The following AGBL2 variants were observed in gnomAD, a reference collection of about 807,000 sequenced individuals.
AGBL2 encodes AGBL carboxypeptidase 2, also known as cytosolic carboxypeptidase 2.
AGBL2 carries 87 observed loss-of-function variants against 103.0 expected under a neutral mutation model. The ratio of observed to expected loss-of-function variants is 0.84; its 90% CI spans 0.71 to 1.01. The LOEUF (loss-of-function observed/expected upper bound fraction) is 1.01, where lower values mean the gene tolerates loss of function less well. AGBL2 is among the 50% of genes least tolerant of loss of function. The pLI is 0.00. For missense variants in AGBL2, 904 were observed against 1,023.5 expected (o/e 0.88, Z 1.59); for synonymous variants, 335 against 356.7 (o/e 0.94, Z 0.69).
intron 13 of AGBL2, among the ~76,000 whole-genome samples, chr11:47,679,498 A>T (rs888931186): frequency 1.3e-5 from 2 of 152,102 alleles, no homozygotes; most frequent in African/African-American, 4.8e-5. Flanking sequence ...AGGTCTTACC[A>T]TTTGTAGACA....
intron 1 of AGBL2, 132 bp downstream of exon 1, chr11:47,715,043 G>A: frequency 4.7e-6 from 1 of 212,228 alleles, no homozygotes; most frequent in South Asian, 6.8e-5. Context: ...GGTAGGTGCC[G>A]ATGGAAAAAG....
intron 8 of AGBL2, among the ~76,000 whole-genome samples, chr11:47,694,410 G>A (rs543722902): frequency 1.3e-5 from 2 of 152,040 alleles, no homozygotes; most frequent in East Asian, 1.9e-4. Flanking sequence ...TCTGAATGTG[G>A]GTCCAGCCCT....
Position 47,686,054 on chromosome 11 carries a change from T to TGTTTGCCTCTTCAA in AGBL2, c.1632-6_1632-5insTTGAAGAGGCAAAC, listed in dbSNP as rs751305498. ...ACCTCTCTTTCTTCAAGAAGTCTAT[T>TGTTTGCCTCTTCAA]GAGGGGGCAAACAAAGGACTCAGTG... is the stretch of plus-strand genomic sequence containing the variant. On this transcript the variant is annotated splice_polypyrimidine_tract_variant and splice_region_variant and intron_variant, in intron 10 of 18. Transcript: ENST00000525123. 3.1e-6 allele frequency: 5 copies of TGTTTGCCTCTTCAA among 1,613,482 alleles called. No individual in the cohort carries two copies. In the East Asian group the frequency reaches 1.1e-4, roughly 36 times the overall value.
At chr11:47,668,171 T>C (rs1392320729) in intron 15 of AGBL2, among the ~76,000 whole-genome samples, 2 of 131,080 alleles carry the variant, frequency 1.5e-5, no homozygotes, top group Non-Finnish European at 3.1e-5. Context: ...ATCACGCCCC[T>C]GAACTCCAGC....
At position 47,706,890 on chromosome 11, in the gene AGBL2, CCA is replaced by C. The variant is rs1491103570; in HGVS notation, c.233-975_233-974del. ...ATGGTGAAACCCTGTCTCTACTATT[CCA>C]AAAAAAAAAAAAAAAAAAAAAGAAT... On this transcript the variant is annotated intron_variant, in intron 4 of 18. Transcript: ENST00000525123. Among the ~76,000 whole-genome samples, 173 of 53,222 alleles carry C rather than the reference CCA, an allele frequency of 3.3e-3. 30 individuals are homozygous for C. In the Middle Eastern group the frequency reaches 0.038, roughly 12 times the overall value. The allele number at this position is 53,222 out of a possible 152,430, so 34.9% of individuals were successfully genotyped here.
intron 3 of AGBL2, among the ~76,000 whole-genome samples, chr11:47,711,531 T>A (rs183848170): frequency 8.9e-4 from 135 of 152,218 alleles, no homozygotes; most frequent in African/African-American, 3.1e-3. Context: ...ACACAACCCC[T>A]CCCTGAATGT....
rs1460920581 is a variant in AGBL2 at position 47,659,714 on chromosome 11, G to A, written c.*459C>T. On this transcript the variant is annotated 3_prime_UTR_variant, in exon 19 of 19. Transcript: ENST00000525123. ...TATTTCTATGTGGGAATACCTCATT[G>A]TGAGCAAACCTGACATACAGCAGTA... 1 of 152,940 alleles carries A rather than the reference G, an allele frequency of 6.5e-6. No individual in the cohort carries two copies. The highest frequency in any genetic ancestry group is 1.5e-5 in the Non-Finnish European group (1 of 68,684). 9.5% of individuals were successfully genotyped at this position (152,940 alleles called of 1,614,324 possible). A position where few individuals can be genotyped will look rare whatever the true frequency, so the allele number is the denominator to read the frequency against.
At chr11:47,674,817 C>A (rs1045806937) in intron 14 of AGBL2, among the ~76,000 whole-genome samples, 6 of 151,886 alleles carry the variant, frequency 4.0e-5, no homozygotes, top group African/African-American at 1.5e-4. Flanking sequence ...CTCACTGCAA[C>A]CTCCGTCTCC....
intron 11 of AGBL2, among the ~76,000 whole-genome samples, chr11:47,684,476 A>C (rs757546524): frequency 2.6e-5 from 4 of 151,678 alleles, no homozygotes; most frequent in African/African-American, 7.3e-5. Flanking sequence ...GAATTGCTTG[A>C]ACCTGGGAGA....
In AGBL2 at chr11:47,690,860, T is replaced by C. The variant is rs866559532; in HGVS notation, c.849-2A>G. On this transcript the variant is annotated splice_acceptor_variant, in intron 9 of 18. Transcript: ENST00000525123. LOFTEE classifies it high-confidence loss of function. ...GTGAGTTCATACTCATAGGTGTCTC[T>C]GTAATGGAGAAAATAGAACAACTCT... The C allele has an allele frequency of 2.5e-6, 4 of 1,602,308 alleles. No homozygotes were observed. The African/African-American group carries it at 4.0e-5, about 16-fold the overall frequency.
chr11:47,690,086 T>C lies in AGBL2; in HGVS notation c.1621A>G (p.Met541Val), dbSNP rs769379271. The change falls in exon 10 of 19, where the codon ATG becomes GTG. Residue 541 changes from methionine to valine, a missense_variant. Coordinates refer to ENST00000525123, the MANE Select transcript of AGBL2 (RefSeq NM_024783.4). ...SFPCIWYTRN[M>V]IKRLLEEREV... is the part of the protein sequence containing the mutation. Reference sequence around the variant, plus strand: ...GATAAAAAGTCTCACCTTTTGATCATGTTCCTGGTGTACCAAATACAAGGG... The same window carrying C: ...GATAAAAAGTCTCACCTTTTGATCACGTTCCTGGTGTACCAAATACAAGGG... 7 of 1,605,686 alleles carry C rather than the reference T, an allele frequency of 4.4e-6. No homozygotes were observed.
At chr11:47,712,433 T>G (rs563431493) in intron 3 of AGBL2, among the ~76,000 whole-genome samples, 1 of 152,222 alleles carries the variant, frequency 6.6e-6, no homozygotes, top group Non-Finnish European at 1.5e-5. Flanking sequence ...ATATTTATAA[T>G]AGCATAAAAA....
At chr11:47,682,270 G>A (rs1371486482) in intron 11 of AGBL2, among the ~76,000 whole-genome samples, 175 bp from the exon 12 acceptor site, 1 of 152,096 alleles carries the variant, frequency 6.6e-6, no homozygotes, top group Non-Finnish European at 1.5e-5. Flanking sequence ...GGAAAAAGGA[G>A]TTCTGTGGTC....
intron 8 of AGBL2, among the ~76,000 whole-genome samples, chr11:47,696,989 C>T (rs2097476864): frequency 6.6e-6 from 1 of 151,890 alleles, no homozygotes. Flanking sequence ...AGTATAGTGG[C>T]ACAATCTTGG....
intron 14 of AGBL2, among the ~76,000 whole-genome samples, chr11:47,674,576 A>G (rs907217858): frequency 6.6e-6 from 1 of 151,876 alleles, no homozygotes; most frequent in African/African-American, 2.4e-5. Context: ...CAAAAAAAAA[A>G]AAAAAAAAAG....
At chr11:47,679,576 A>G (rs1176096412) in intron 13 of AGBL2, among the ~76,000 whole-genome samples, 7 of 152,030 alleles carry the variant, frequency 4.6e-5, no homozygotes, top group Non-Finnish European at 7.4e-5. Flanking sequence ...TAAGAGGAAA[A>G]TAAAGATTGC....
chr11:47,714,510 G>C, intron 2 of AGBL2, 108 bp downstream of exon 2: 1 of 1,382,598 alleles, frequency 7.2e-7, no homozygotes, highest in Non-Finnish European at 1.0e-6. Flanking sequence ...GCTGAGAAAA[G>C]ATGCCACCAG....
chr11:47,685,735 TA>T (rs1336979903), intron 11 of AGBL2, among the ~76,000 whole-genome samples, 157 bp downstream of exon 11: 1 of 152,100 alleles, frequency 6.6e-6, no homozygotes, highest in Admixed American at 6.6e-5. Context: ...CAGCAATTCT[TA>T]AAACCACGCT....
intron 10 of AGBL2, among the ~76,000 whole-genome samples, chr11:47,689,307 T>A (rs1008330497): frequency 1.8e-4 from 27 of 150,084 alleles, no homozygotes; most frequent in African/African-American, 6.6e-4. Flanking sequence ...TCTCAATTTT[T>A]TTTTTTTTTT....
Sources: gnomAD v4.1 joint callset for allele counts (sites outside exome capture counted in the v4.1 genomes callset) on GRCh38, gnomAD v4.1.1 for gene constraint, MANE v1.5 for transcripts, NCBI Gene and HGNC (gene_info 2026-07-23, HGNC 2026-07-21) for gene names.